The following BCL2L13 variants were observed in gnomAD, a reference collection of about 807,000 sequenced individuals.
The protein encoded by BCL2L13 is bcl-2-like protein 13.
In BCL2L13, 13 loss-of-function variants were observed where a neutral mutation model predicts 25.8. The ratio of observed to expected loss-of-function variants is 0.50; its 90% confidence interval spans 0.33 to 0.80. BCL2L13 has a LOEUF of 0.80. BCL2L13 is among the 30% of genes least tolerant of loss of function. The pLI is 0.02. For missense variants in BCL2L13, 504 were observed against 574.9 expected (o/e 0.88, Z 1.26); for synonymous variants, 244 against 230.3 (o/e 1.06, Z -0.54).
intron 6 of BCL2L13, among the ~76,000 whole-genome samples, chr22:17,708,921 C>T (rs1192242992): frequency 6.6e-6 from 1 of 152,092 alleles, no homozygotes; most frequent in African/African-American, 2.4e-5. Flanking sequence ...AAAGCCTGCT[C>T]TTCATTATGA....
At chr22:17,663,927 C>T (rs1314301477) in intron 2 of BCL2L13, among the ~76,000 whole-genome samples, 2 of 152,186 alleles carry the variant, frequency 1.3e-5, no homozygotes, top group East Asian at 1.9e-4. Context: ...TGGCTCACTG[C>T]AACCTCCGCC....
chr22:17,646,527 G>T lies in BCL2L13; in HGVS notation c.-51+7641G>T, dbSNP rs923755365. On this transcript the variant is annotated intron_variant, in intron 1 of 6. Coordinates refer to ENST00000317582, the MANE Select transcript of BCL2L13 (RefSeq NM_015367.4). ...CCCTCCCAAAGTGCTGGGATTACAGGCATGAGCCACTGCGCCTGGCCAAGA... is the reference window on the plus strand; with the variant it reads ...CCCTCCCAAAGTGCTGGGATTACAGTCATGAGCCACTGCGCCTGGCCAAGA... Among the ~76,000 whole-genome samples, 113 of 150,994 alleles carry T rather than the reference G, an allele frequency of 7.5e-4. 3 individuals carry two copies. Among genetic ancestry groups the T allele is most frequent in the African/African-American group, 2.5e-3 (100 of 40,404 alleles).
intron 6 of BCL2L13, among the ~76,000 whole-genome samples, chr22:17,723,626 T>A (rs2061210277): frequency 6.6e-6 from 1 of 152,148 alleles, no homozygotes; most frequent in Non-Finnish European, 1.5e-5. Flanking sequence ...AAAGTACTAA[T>A]CTAAGCACTA....
At chr22:17,679,610 C>T (rs1408920879) in intron 2 of BCL2L13, among the ~76,000 whole-genome samples, 6 of 151,488 alleles carry the variant, frequency 4.0e-5, no homozygotes, top group African/African-American at 1.5e-4. Flanking sequence ...TTTAAATGTT[C>T]TGTAGTACTG....
chr22:17,715,191 TTTTTTTTTTTTTG>T, intron 6 of BCL2L13, among the ~76,000 whole-genome samples: 3 of 98,218 alleles, frequency 3.1e-5, no homozygotes, highest in Admixed American at 1.1e-4. Flanking sequence ...TTTTTTTTTT[TTTTTTTTTTTTTG>T]AGGTAGGGTC....
At chr22:17,651,156 T>C (rs917259579) in intron 1 of BCL2L13, among the ~76,000 whole-genome samples, 1 of 151,792 alleles carries the variant, frequency 6.6e-6, no homozygotes, top group African/African-American at 2.4e-5. Flanking sequence ...TGCGCTACCA[T>C]GCCCAGCTAA....
rs761973026 is a variant in BCL2L13 at position 17,683,341 on chromosome 22, T to C, written c.229+20T>C. ...CTGAAGGTCTGTTTATTCTTATTTT[T>C]CTAGTTAATAAGCAGATTGTGTTTG... On this transcript the variant is annotated intron_variant, in intron 3 of 6. Coordinates refer to ENST00000317582, the MANE Select transcript of BCL2L13 (RefSeq NM_015367.4). 8.8e-6 allele frequency: 12 copies of C among 1,363,212 alleles called. No homozygotes were observed. In the East Asian group the frequency reaches 2.8e-4, roughly 32 times the overall value. The allele number at this position is 1,363,212 out of a possible 1,614,324, so 84.4% of individuals were successfully genotyped here.
chr22:17,687,685 T>G (rs1219126820), intron 3 of BCL2L13, among the ~76,000 whole-genome samples: 1 of 151,728 alleles, frequency 6.6e-6, no homozygotes, highest in Non-Finnish European at 1.5e-5. Context: ...CCCAGCTAAT[T>G]TTTTTGTATT....
At chr22:17,630,676 C>T (rs1461956134) in intron 1 of BCL2L13, among the ~76,000 whole-genome samples, 9 of 149,406 alleles carry the variant, frequency 6.0e-5, no homozygotes, top group African/African-American at 1.5e-4. Context: ...CCACAACCTC[C>T]GCCTCCCGGG....
At position 17,728,440 on chromosome 22, in the gene BCL2L13, G is replaced by A. The variant is rs925200789; in HGVS notation, c.*906G>A. On this transcript the variant is annotated 3_prime_UTR_variant, in exon 7 of 7. Coordinates refer to ENST00000317582, the MANE Select transcript of BCL2L13 (RefSeq NM_015367.4). ...TTGTGTCAAGGCAGGAGGATAACCTGGATGACCTTCTGAGGTCTCTTCAGC... is the reference window on the plus strand; with the variant it reads ...TTGTGTCAAGGCAGGAGGATAACCTAGATGACCTTCTGAGGTCTCTTCAGC... 2.0e-5 allele frequency: 3 copies of A among 152,194 alleles called. No homozygotes were observed. Among genetic ancestry groups the A allele is most frequent in the Non-Finnish European group, 2.9e-5 (2 of 68,038 alleles). The allele number at this position is 152,194 out of a possible 1,614,324, so 9.4% of individuals were successfully genotyped here.
intron 5 of BCL2L13, among the ~76,000 whole-genome samples, chr22:17,697,639 G>A (rs1268078534): frequency 1.3e-5 from 2 of 152,060 alleles, no homozygotes; most frequent in African/African-American, 4.8e-5. Flanking sequence ...CCATAGTAAA[G>A]CTCAGTAAAC....
upstream of BCL2L13, among the ~76,000 whole-genome samples, chr22:17,633,595 A>G (rs892263785): frequency 2.6e-5 from 4 of 152,166 alleles, no homozygotes; most frequent in Non-Finnish European, 5.9e-5. Flanking sequence ...CAGGTTTACT[A>G]GATACTGAAT....
chr22:17,663,683 C>CTTTTTTTTTTT (rs61709181), intron 2 of BCL2L13, among the ~76,000 whole-genome samples: 11 of 107,482 alleles, frequency 1.0e-4, no homozygotes, highest in Non-Finnish European at 1.8e-4. Flanking sequence ...TACATTTTTC[C>CTTTTTTTTTTT]TTTTTTTTTT....
intron 1 of BCL2L13, among the ~76,000 whole-genome samples, chr22:17,654,783 G>A (rs2058799833): frequency 6.6e-6 from 1 of 151,774 alleles, no homozygotes; most frequent in Non-Finnish European, 1.5e-5. Flanking sequence ...GTGCAGTGGT[G>A]CAATTATAAC....
chr22:17,634,274 C>G (rs1459004161), upstream of BCL2L13, among the ~76,000 whole-genome samples: 1 of 152,020 alleles, frequency 6.6e-6, no homozygotes, highest in Non-Finnish European at 1.5e-5. Context: ...CAACCTCCAC[C>G]TCCCAGGTTC....
chr22:17,656,130 C>T (rs539499525), intron 2 of BCL2L13, among the ~76,000 whole-genome samples: 2 of 150,746 alleles, frequency 1.3e-5, no homozygotes, highest in Non-Finnish European at 3.0e-5. Flanking sequence ...AGTCCAGCTA[C>T]TCAGGAGGCT....
At chr22:17,631,664 G>GTATATATATATA (rs2058019071) in intron 1 of BCL2L13, among the ~76,000 whole-genome samples, 2 of 26,896 alleles carry the variant, frequency 7.4e-5, no homozygotes, top group South Asian at 1.4e-3. Flanking sequence ...ATGTATGTGT[G>GTATATATATATA]TGTGTGTATA....
intron 6 of BCL2L13, among the ~76,000 whole-genome samples, chr22:17,714,791 G>T (rs985442350): frequency 6.6e-6 from 1 of 151,982 alleles, no homozygotes; most frequent in Non-Finnish European, 1.5e-5. Context: ...GTTGGAAAAC[G>T]TATATTTCCT....
intron 5 of BCL2L13, 38 bp downstream of exon 5, chr22:17,696,248 G>T (rs1349529126): frequency 2.6e-6 from 4 of 1,524,002 alleles, no homozygotes; most frequent in Admixed American, 1.7e-5. Flanking sequence ...AAAGATTTTA[G>T]TGTGTTAATG....
Sources: gnomAD v4.1 joint callset for allele counts (sites outside exome capture counted in the v4.1 genomes callset) on GRCh38, gnomAD v4.1.1 for gene constraint, MANE v1.5 for transcripts, NCBI Gene and HGNC (gene_info 2026-07-23, HGNC 2026-07-21) for gene names.